The following ANKRD11 variants were observed in gnomAD, a reference collection of about 807,000 sequenced individuals.
The protein encoded by ANKRD11 is ankyrin repeat domain-containing protein 11.
Under a neutral mutation model 195.7 loss-of-function variants are expected in ANKRD11, and 17 were observed. The ratio of observed to expected loss-of-function variants is 0.09; its 90% confidence interval spans 0.06 to 0.13. ANKRD11 has a LOEUF of 0.13. Ranked by LOEUF, ANKRD11 falls within the 10% of genes least tolerant of loss-of-function variation. ANKRD11 has a pLI of 1.00. For synonymous variants in ANKRD11, 1,953 were observed against 1,528.1 expected, an observed-to-expected ratio of 1.28 and a Z score of -6.49; for missense variants, 3,735 against 3,566.1, an observed-to-expected ratio of 1.05 and a Z score of -1.21.
Position 89,280,336 on chromosome 16 carries a change from C to G in ANKRD11, c.6206G>C (p.Cys2069Ser), listed in dbSNP as rs763657561. 1 of 1,579,590 alleles carries G rather than the reference C, an allele frequency of 6.3e-7. No homozygotes were observed. The highest frequency in any genetic ancestry group is 8.6e-7 in the Non-Finnish European group (1 of 1,163,036). ...PSGLESFFSNCKSLPEAPLDV... is the reference protein window; with the variant it reads ...PSGLESFFSNSKSLPEAPLDV... The stretch of plus-strand genomic sequence containing the variant: ...CAGCGGGGCTTCCGGAAGTGACTTG[C>G]AGTTGCTGAAGAAGGACTCCAGCCC... The change falls in exon 9 of 13, where the codon TGC becomes TCC. Residue 2069 changes from cysteine (C) to serine (S), a missense_variant. Physicochemically the swap from Cys to Ser is moderately radical, Grantham distance 112. Coordinates refer to ENST00000301030, the MANE Select transcript of ANKRD11 (RefSeq NM_013275.6).
intron 7 of ANKRD11, 68 bp downstream of exon 7, chr16:89,288,460 A>C (rs1039929680): frequency 8.7e-6 from 14 of 1,611,450 alleles, no homozygotes; most frequent in African/African-American, 2.7e-5. Flanking sequence ...AGCTACGGGG[A>C]AACAAAGCTA....
intron 2 of ANKRD11, among the ~76,000 whole-genome samples, chr16:89,369,045 G>A (rs2040077118): frequency 6.6e-6 from 1 of 152,034 alleles, no homozygotes; most frequent in African/African-American, 2.4e-5. Flanking sequence ...CCCCCCACTG[G>A]CACCCATTCC....
intron 2 of ANKRD11, chr16:89,324,576 G>C (rs772119996): frequency 8.8e-6 from 4 of 453,840 alleles, no homozygotes; most frequent in African/African-American, 2.0e-5. Context: ...CTCCATCTGG[G>C]GGGGCATGAT....
chr16:89,385,808 C>T (rs1429001714), intron 2 of ANKRD11, among the ~76,000 whole-genome samples: 2 of 152,244 alleles, frequency 1.3e-5, no homozygotes, highest in Non-Finnish European at 2.9e-5. Flanking sequence ...GCCTCACCCC[C>T]GCCGCTGCGC....
chr16:89,324,821 T>C, intron 2 of ANKRD11: 5 of 286,716 alleles, frequency 1.7e-5, no homozygotes, highest in South Asian at 1.5e-4. Context: ...GGACTCGGAC[T>C]GGCTTCCTGG....
chr16:89,267,699 C>G lies in ANKRD11; in HGVS notation c.*779G>C, dbSNP rs2032750560. 1 of 152,294 alleles carries G rather than the reference C, an allele frequency of 6.6e-6. No individual in the cohort carries two copies. The highest frequency in any genetic ancestry group is 2.4e-5 in the African/African-American group (1 of 41,410). The allele number at this position is 152,294 out of a possible 1,614,324, so 9.4% of individuals were successfully genotyped here. ...GTTACAGTACATAAGTTATTTACAA[C>G]TGTGCAGTAATGTGTTGCAAAATAA... On this transcript the variant is annotated 3_prime_UTR_variant, in exon 13 of 13. Coordinates refer to ENST00000301030, the MANE Select transcript of ANKRD11 (RefSeq NM_013275.6).
Position 89,279,893 on chromosome 16 carries a change from G to A in ANKRD11, c.6649C>T (p.Leu2217=). ...PSGEPKLDVA[L]EAAVEAETVP... Reference sequence around the variant, plus strand: ...GTCTCCGCCTCCACCGCAGCTTCTAGAGCCACGTCCAGCTTTGGCTCCCCT... The same window carrying A: ...GTCTCCGCCTCCACCGCAGCTTCTAAAGCCACGTCCAGCTTTGGCTCCCCT... Residue 2217 remains leucine (L), a synonymous_variant, in exon 9 of 13, where the codon CTA becomes TTA. Transcript: ENST00000301030. This position sits in a 1 kb window ranked among gnomAD's most constrained non-coding sequence, Gnocchi z 5.6. The A allele has an allele frequency of 1.2e-6, 2 of 1,604,690 alleles. No individual in the cohort carries two copies. The highest frequency in any genetic ancestry group is 8.5e-7 in the Non-Finnish European group (1 of 1,177,318).
rs1228597465 is a variant in ANKRD11 at position 89,279,626 on chromosome 16, G to C, written c.6916C>G (p.Pro2306Ala). The C allele has an allele frequency of 1.4e-6, 2 of 1,438,038 alleles. No homozygotes were observed. Among genetic ancestry groups the C allele is most frequent in the African/African-American group, 2.9e-5 (2 of 69,690 alleles). 89.1% of individuals were successfully genotyped at this position (1,438,038 alleles called of 1,614,324 possible). Residue 2306 changes from proline to alanine, a missense_variant, in exon 9 of 13, where the codon CCT becomes GCT. Coordinates refer to ENST00000301030, the MANE Select transcript of ANKRD11 (RefSeq NM_013275.6). This position sits in a 1 kb window ranked among gnomAD's most constrained non-coding sequence, Gnocchi z 5.6. ...ASRAAAPAEGPPGGIQPEAAE... is the reference protein window; with the variant it reads ...ASRAAAPAEGAPGGIQPEAAE... ...GCTTCCGGCTGGATGCCGCCAGGAG[G>C]GCCTTCGGCTGGGGCGGCGGCACGG...
intron 2 of ANKRD11, among the ~76,000 whole-genome samples, chr16:89,318,852 T>G (rs1381575416): frequency 6.6e-6 from 1 of 152,216 alleles, no homozygotes; most frequent in Non-Finnish European, 1.5e-5. Flanking sequence ...GCGGTGCAGG[T>G]GAGCAGGTGT....
rs567273723 is a variant in ANKRD11, at chr16:89,332,667, CGA to C, written c.-59-15591_-59-15590del. 5.6e-4 allele frequency among the ~76,000 whole-genome samples: 85 copies of C among 152,292 alleles called. 1 individual carries two copies. The highest frequency in any genetic ancestry group is 5.4e-3 in the Admixed American group (83 of 15,306). On this transcript the variant is annotated intron_variant, in intron 2 of 12. Transcript: ENST00000301030. ...AGAAAAAAGCAAACGACAAACACAA[CGA>C]GAGAGGCGCTGAGACCAGGCAGGGC...
intron 3 of ANKRD11, among the ~76,000 whole-genome samples, chr16:89,309,653 C>T (rs1451299981): frequency 6.6e-6 from 1 of 152,224 alleles, no homozygotes; most frequent in African/African-American, 2.4e-5. Context: ...GAAGGCGGCT[C>T]CCATCCACCT....
chr16:89,342,089 G>C (rs377375616), intron 2 of ANKRD11, among the ~76,000 whole-genome samples: 16 of 90,432 alleles, frequency 1.8e-4, no homozygotes, highest in African/African-American at 5.0e-4. Flanking sequence ...CCACAGCTCT[G>C]CTTCCCACCC....
At chr16:89,440,772 A>G (rs563023693) in intron 1 of ANKRD11, among the ~76,000 whole-genome samples, 2 of 152,336 alleles carry the variant, frequency 1.3e-5, no homozygotes, top group Middle Eastern at 3.4e-3. Flanking sequence ...GGGCTACAGA[A>G]AGGGGGCCAC....
chr16:89,308,878 C>T (rs578229445), intron 3 of ANKRD11, among the ~76,000 whole-genome samples: 11 of 152,174 alleles, frequency 7.2e-5, no homozygotes, highest in South Asian at 4.2e-4. Context: ...ATGGGGTGCG[C>T]GCAGTAAACA....
chr16:89,315,786 C>T (rs1393363772), intron 3 of ANKRD11, among the ~76,000 whole-genome samples: 1 of 152,240 alleles, frequency 6.6e-6, no homozygotes, highest in Non-Finnish European at 1.5e-5. Flanking sequence ...AAGAAGTGGA[C>T]TGAGTCGCCA....
chr16:89,275,594 C>T (rs1455485903), intron 9 of ANKRD11, among the ~76,000 whole-genome samples: 4 of 152,080 alleles, frequency 2.6e-5, no homozygotes, highest in Non-Finnish European at 5.9e-5. Flanking sequence ...CCCATGCACC[C>T]CAAATCAGCC....
At chr16:89,288,784 T>A (rs1162933123) in intron 6 of ANKRD11, 114 bp from the exon 7 acceptor site, 2 of 1,463,028 alleles carry the variant, frequency 1.4e-6, no homozygotes, top group Non-Finnish European at 1.9e-6. Context: ...GGTGGGGAGC[T>A]GCCCTGTAGT....
chr16:89,372,639 G>A (rs1380769652), intron 2 of ANKRD11, among the ~76,000 whole-genome samples: 1 of 152,080 alleles, frequency 6.6e-6, no homozygotes, highest in Non-Finnish European at 1.5e-5. Context: ...TTTAAAGAAA[G>A]AAAAAAATTT....
intron 2 of ANKRD11, among the ~76,000 whole-genome samples, chr16:89,389,903 G>A (rs1485898174): frequency 1.3e-4 from 15 of 117,002 alleles, no homozygotes; most frequent in Non-Finnish European, 2.1e-4. Flanking sequence ...GGGGAGCACC[G>A]AGAGAGATCA....
Sources: gnomAD v4.1 joint callset for allele counts (sites outside exome capture counted in the v4.1 genomes callset) on GRCh38, gnomAD v4.1.1 for gene constraint, Gnocchi (gnomAD v3.1) non-coding constraint, MANE v1.5 for transcripts, NCBI Gene and HGNC (gene_info 2026-07-23, HGNC 2026-07-21) for gene names.